The following NCKAP1L variants were observed in gnomAD, a reference collection of about 807,000 sequenced individuals.
NCKAP1L encodes the protein nck-associated protein 1-like.
Under a neutral mutation model 139.2 loss-of-function variants are expected in NCKAP1L, and 53 were observed. The observed-to-expected ratio is 0.38, with a 90% CI of 0.31 to 0.48. The LOEUF (loss-of-function observed/expected upper bound fraction) is 0.48. NCKAP1L is among the 20% of genes least tolerant of loss of function. The probability of loss-of-function intolerance (pLI) is 0.98; values close to 1 mark genes in which losing one functional copy is unlikely to be tolerated. For synonymous variants in NCKAP1L, 468 were observed against 499.7 expected (o/e 0.94, Z 0.85); for missense variants, 1,151 against 1,381.9 (o/e 0.83, Z 2.65).
chr12:54,528,095 A>T, intron 21 of NCKAP1L, 152 bp from the exon 22 acceptor site: 5 of 905,780 alleles, frequency 5.5e-6, no homozygotes, highest in Non-Finnish European at 8.4e-6. Context: ...TTGGGGTGTT[A>T]ATTAGAACAT....
chr12:54,520,130 G>A (rs1956969930), intron 16 of NCKAP1L, among the ~76,000 whole-genome samples: 1 of 152,172 alleles, frequency 6.6e-6, no homozygotes, highest in Non-Finnish European at 1.5e-5. Context: ...AACACAATGT[G>A]TTGTCTCTGC....
At position 54,521,329 on chromosome 12, in the gene NCKAP1L, G is replaced by A. The variant is rs369137144; in HGVS notation, c.1878+91G>A. On this transcript the variant is annotated intron_variant, in intron 18 of 30. Coordinates refer to ENST00000293373, the MANE Select transcript of NCKAP1L (RefSeq NM_005337.5). ...ACTTTGTTTCCCTCTCAGATGCCAA[G>A]CTCAGTAACTCTTTCTCTGAAGTAG... The A allele has an allele frequency of 1.1e-5, 17 of 1,543,684 alleles. No individual in the cohort carries two copies. The African/African-American group carries it at 1.5e-4, about 14-fold the overall frequency.
Position 54,548,126 on chromosome 12 carries a change from A to T in NCKAP1L, c.*5441A>T, listed in dbSNP as rs1270701484. 2 of 152,132 alleles carry T rather than the reference A, an allele frequency of 1.3e-5. No homozygotes were observed. Among genetic ancestry groups the T allele is most frequent in the South Asian group, 2.1e-4 (1 of 4,824 alleles). The allele number at this position is 152,132 out of a possible 1,614,324, so 9.4% of individuals were successfully genotyped here. A position where few individuals can be genotyped will look rare whatever the true frequency, so the allele number is the denominator to read the frequency against. ...ATTTCACTTCTTTTCTCCTTCTCTG[A>T]CTGGGAGAGGAGGAGCCTCCACTCA... On this transcript the variant is annotated 3_prime_UTR_variant, in exon 31 of 31. Coordinates refer to ENST00000293373, the MANE Select transcript of NCKAP1L (RefSeq NM_005337.5).
In NCKAP1L at chr12:54,537,071, A is replaced by G; in HGVS notation, c.3183+18A>G. On this transcript the variant is annotated intron_variant, in intron 29 of 30. Coordinates refer to ENST00000293373, the MANE Select transcript of NCKAP1L (RefSeq NM_005337.5). ...TTCTGGTGGTGAGTGGGTCTAGGTT[A>G]TAAAGAATGGAAGATTGCAAAGGGC... 1 of 1,513,896 alleles carries G rather than the reference A, an allele frequency of 6.6e-7. No individual in the cohort carries two copies. The highest frequency in any genetic ancestry group is 9.2e-7 in the Non-Finnish European group (1 of 1,090,052). 93.8% of individuals were successfully genotyped at this position (1,513,896 alleles called of 1,614,324 possible). A position where few individuals can be genotyped will look rare whatever the true frequency, so the allele number is the denominator to read the frequency against.
chr12:54,507,816 A>AT, intron 3 of NCKAP1L, 37 bp from the exon 4 acceptor site: 2 of 1,600,640 alleles, frequency 1.2e-6, no homozygotes, highest in East Asian at 4.5e-5. Context: ...CTTCTCTTTG[A>AT]TTTTTTATTA....
intron 17 of NCKAP1L, 43 bp downstream of exon 17, chr12:54,520,869 C>T (rs903546079): frequency 8.1e-6 from 13 of 1,612,272 alleles, no homozygotes; most frequent in Non-Finnish European, 8.5e-6. Context: ...TTCTAGTCAT[C>T]ATCCTTATCA....
At chr12:54,534,496 A>C (rs1957098351) in intron 26 of NCKAP1L, among the ~76,000 whole-genome samples, 1 of 152,240 alleles carries the variant, frequency 6.6e-6, no homozygotes, top group Non-Finnish European at 1.5e-5. Context: ...ATGCTAAGTC[A>C]GTGGTACCAA....
At chr12:54,506,796 A>AAATAT in intron 3 of NCKAP1L, among the ~76,000 whole-genome samples, 1,647 of 50,584 alleles carry the variant, frequency 0.033, 35 homozygotes, top group Non-Finnish European at 0.039. Context: ...AAAAAAAAAA[A>AAATAT]ATATATATAT....
chr12:54,511,814 GTATC>G lies in NCKAP1L; in HGVS notation c.749_752del (p.Tyr250CysfsTer5), dbSNP rs1204048152. 6.2e-7 allele frequency: 1 copy of G among 1,614,218 alleles called. No homozygotes were observed. ...TTCTCTTCTCACAGATGGCCTGTGAGTATCTGTCTGTGGAAGTAATGGAGCGCTG... is the reference window on the plus strand; with the variant it reads ...TTCTCTTCTCACAGATGGCCTGTGAGTGTCTGTGGAAGTAATGGAGCGCTG... On this transcript the variant is annotated frameshift_variant, in exon 8 of 31. Transcript: ENST00000293373. LOFTEE classifies it high-confidence loss of function.
intron 9 of NCKAP1L, 54 bp downstream of exon 9, chr12:54,512,159 A>G: frequency 1.9e-6 from 3 of 1,578,512 alleles, no homozygotes; most frequent in Non-Finnish European, 1.7e-6. Flanking sequence ...TAGCCCCTCC[A>G]ATATCCTTTT....
intron 11 of NCKAP1L, 115 bp downstream of exon 11, chr12:54,517,107 T>A: frequency 1.2e-6 from 1 of 811,680 alleles, no homozygotes; most frequent in Non-Finnish European, 2.0e-6. Context: ...TTTGTATGTA[T>A]ATATGCGATT....
intron 22 of NCKAP1L, 28 bp downstream of exon 22, chr12:54,528,405 A>G: frequency 6.2e-7 from 1 of 1,610,272 alleles, no homozygotes; most frequent in Non-Finnish European, 8.5e-7. Context: ...TCTTCTTGTC[A>G]AGGAGCTGAG....
chr12:54,538,875 C>T lies in NCKAP1L; in HGVS notation c.3184-9C>T, dbSNP rs1259114091. 1 of 1,612,422 alleles carries T rather than the reference C, an allele frequency of 6.2e-7. No homozygotes were observed. Among genetic ancestry groups the T allele is most frequent in the South Asian group, 1.1e-5 (1 of 91,042 alleles). On this transcript the variant is annotated splice_polypyrimidine_tract_variant and intron_variant, in intron 29 of 30. Transcript: ENST00000293373. ...ATAAAAATCTGCTTTACAAATTCTT[C>T]CCTTACAGGTGGCCTCTGTCAGCCT...
At chr12:54,541,644 T>C (rs1489231450) in intron 30 of NCKAP1L, among the ~76,000 whole-genome samples, 1 of 152,234 alleles carries the variant, frequency 6.6e-6, no homozygotes, top group Non-Finnish European at 1.5e-5. Flanking sequence ...TTACACATTT[T>C]AAAACTTGAA....
At chr12:54,510,669 C>T (rs1225547579) in intron 7 of NCKAP1L, among the ~76,000 whole-genome samples, 1 of 150,404 alleles carries the variant, frequency 6.6e-6, no homozygotes, top group Non-Finnish European at 1.5e-5. Flanking sequence ...GCCGCCACAC[C>T]TGGGTAATTT....
rs1485073465 is a variant in NCKAP1L at position 54,543,920 on chromosome 12, C to T, written c.*1235C>T. 6.6e-6 allele frequency: 1 copy of T among 152,182 alleles called. No homozygotes were observed. Among genetic ancestry groups the T allele is most frequent in the Non-Finnish European group, 1.5e-5 (1 of 68,044 alleles). The allele number at this position is 152,182 out of a possible 1,614,324, so 9.4% of individuals were successfully genotyped here. Reference sequence around the variant, plus strand: ...CTAGTTGGTTAATTAGGGTCATGTCCATACTTTCATGATGAAAGGGAAGCA... The same window carrying T: ...CTAGTTGGTTAATTAGGGTCATGTCTATACTTTCATGATGAAAGGGAAGCA... On this transcript the variant is annotated 3_prime_UTR_variant, in exon 31 of 31. Transcript: ENST00000293373.
intron 7 of NCKAP1L, among the ~76,000 whole-genome samples, chr12:54,511,043 A>G (rs556108145): frequency 1.1e-4 from 16 of 152,336 alleles, no homozygotes; most frequent in Admixed American, 3.3e-4. Context: ...TAGGGAACAT[A>G]TGCCATGTAG....
At chr12:54,518,009 T>G in intron 13 of NCKAP1L, 71 bp downstream of exon 13, 1 of 1,557,682 alleles carries the variant, frequency 6.4e-7, no homozygotes, top group Admixed American at 1.7e-5. Flanking sequence ...TTGAAACCAC[T>G]CTGGCTGAAT....
chr12:54,521,022 T>G, intron 17 of NCKAP1L, 97 bp from the exon 18 acceptor site: 1 of 1,573,526 alleles, frequency 6.4e-7, no homozygotes, highest in Middle Eastern at 1.7e-4. Flanking sequence ...GGTAGGAATC[T>G]TCTGTAAGAT....
Sources: allele counts gnomAD v4.1 joint callset (sites outside exome capture counted in the v4.1 genomes callset), GRCh38; gene constraint gnomAD v4.1.1; transcripts MANE v1.5; gene names NCBI Gene and HGNC (gene_info 2026-07-23, HGNC 2026-07-21).